ZNF438: variants seen among roughly 807,000 people sequenced by gnomAD.
The protein encoded by ZNF438 is zinc finger protein 438.
Under a neutral mutation model 38.0 loss-of-function variants are expected in ZNF438, and 25 were observed. That is an observed-to-expected ratio of 0.66 (90% confidence interval 0.48 to 0.92). ZNF438 has a LOEUF of 0.92. Ranked by LOEUF, ZNF438 falls within the 40% of genes least tolerant of loss-of-function variation. The pLI is 0.00. For missense variants in ZNF438, 1,007 were observed against 999.6 expected (o/e 1.01, Z -0.10); for synonymous variants, 372 against 364.1 (o/e 1.02, Z -0.25).
chr10:30,963,178 AG>A (rs1292665466), intron 1 of ZNF438, among the ~76,000 whole-genome samples: 1 of 151,678 alleles, frequency 6.6e-6, no homozygotes, highest in Admixed American at 6.6e-5. Context: ...GATCACCTGA[AG>A]TCAGGAGTTT....
At chr10:30,865,999 T>C (rs1005434497) in intron 4 of ZNF438, among the ~76,000 whole-genome samples, 2 of 152,176 alleles carry the variant, frequency 1.3e-5, no homozygotes, top group African/African-American at 4.8e-5. Context: ...GTTGCGCTGA[T>C]GGGGTAAAAC....
chr10:30,869,495 A>G (rs1164716214), intron 4 of ZNF438, among the ~76,000 whole-genome samples: 1 of 152,250 alleles, frequency 6.6e-6, no homozygotes, highest in Non-Finnish European at 1.5e-5. Flanking sequence ...TTTTATTTCA[A>G]CTTCCATATA....
chr10:31,030,130 C>T (rs1193775244), intron 1 of ZNF438, among the ~76,000 whole-genome samples: 1 of 151,874 alleles, frequency 6.6e-6, no homozygotes, highest in Admixed American at 6.6e-5. Flanking sequence ...TTTAAGTGTT[C>T]ATTGCTATTA....
At chr10:30,850,942 T>C (rs2033502504) in intron 4 of ZNF438, among the ~76,000 whole-genome samples, 2 of 152,252 alleles carry the variant, frequency 1.3e-5, no homozygotes, top group South Asian at 2.1e-4. Context: ...CCACTGGCAG[T>C]TGAATTTGTT....
chr10:31,006,865 TGTG>T (rs1256235833), intron 1 of ZNF438, among the ~76,000 whole-genome samples: 30 of 151,062 alleles, frequency 2.0e-4, no homozygotes, highest in African/African-American at 6.8e-4. Flanking sequence ...CCATTTTGAG[TGTG>T]TTTTTTCCAC....
intron 1 of ZNF438, among the ~76,000 whole-genome samples, chr10:30,983,297 A>G (rs1039530375): frequency 5.3e-5 from 8 of 152,226 alleles, no homozygotes; most frequent in African/African-American, 1.9e-4. Flanking sequence ...TTATAAAGAA[A>G]AGAGGTTTAG....
intron 1 of ZNF438, among the ~76,000 whole-genome samples, chr10:31,004,002 A>G (rs537092235): frequency 1.3e-5 from 2 of 152,352 alleles, no homozygotes; most frequent in Non-Finnish European, 2.9e-5. Context: ...AGATGTCAGA[A>G]AGGTGTTATC....
At chr10:30,969,803 A>G (rs2136202115) in intron 1 of ZNF438, among the ~76,000 whole-genome samples, 1 of 151,610 alleles carries the variant, frequency 6.6e-6, no homozygotes, top group East Asian at 1.9e-4. Flanking sequence ...AACCAAAACC[A>G]AACCAAAGCA....
chr10:30,945,116 G>C (rs1015015291), intron 1 of ZNF438, among the ~76,000 whole-genome samples: 8 of 151,494 alleles, frequency 5.3e-5, no homozygotes, highest in African/African-American at 1.9e-4. Context: ...AAAGAGAAGT[G>C]TTGAGAAAAC....
At chr10:30,895,428 G>A (rs377572059) in intron 3 of ZNF438, among the ~76,000 whole-genome samples, 1 of 152,272 alleles carries the variant, frequency 6.6e-6, no homozygotes, top group African/African-American at 2.4e-5. Context: ...TAGTTTGGGT[G>A]TTTGGAGATG....
chr10:30,901,715 G>A (rs1437735297), intron 3 of ZNF438, among the ~76,000 whole-genome samples: 1 of 148,926 alleles, frequency 6.7e-6, no homozygotes, highest in Non-Finnish European at 1.5e-5. Context: ...TCCCTTCGTG[G>A]TCGCCAAAAT....
intron 2 of ZNF438, among the ~76,000 whole-genome samples, chr10:30,935,249 G>C (rs2046120370): frequency 2.0e-5 from 3 of 152,236 alleles, no homozygotes; most frequent in Admixed American, 2.0e-4. Flanking sequence ...AGTCCATTTA[G>C]TGTTGCTATA....
chr10:30,891,345 T>C (rs1366169492), intron 3 of ZNF438, among the ~76,000 whole-genome samples: 2 of 152,148 alleles, frequency 1.3e-5, no homozygotes, highest in African/African-American at 4.8e-5. Context: ...TCTGGAAAAA[T>C]TCCTTAACTT....
intron 3 of ZNF438, among the ~76,000 whole-genome samples, chr10:30,899,155 A>G (rs1455713590): frequency 6.6e-6 from 1 of 152,168 alleles, no homozygotes; most frequent in African/African-American, 2.4e-5. Context: ...CAAGTCTGTC[A>G]CATTCTTAGC....
intron 3 of ZNF438, among the ~76,000 whole-genome samples, chr10:30,900,674 G>A (rs2041873306): frequency 6.6e-6 from 1 of 152,204 alleles, no homozygotes; most frequent in Non-Finnish European, 1.5e-5. Flanking sequence ...CACCCAGCTA[G>A]TAAAATGTGG....
chr10:30,863,438 G>A (rs1231786742), intron 4 of ZNF438, among the ~76,000 whole-genome samples: 1 of 152,202 alleles, frequency 6.6e-6, no homozygotes, highest in Non-Finnish European at 1.5e-5. Flanking sequence ...ATCAGATTCT[G>A]ACCTGAGCCA....
intron 1 of ZNF438, among the ~76,000 whole-genome samples, chr10:30,954,944 GA>G (rs1415896429): frequency 1.3e-5 from 2 of 152,132 alleles, no homozygotes; most frequent in East Asian, 3.9e-4. Context: ...TCGAGCCAGG[GA>G]GAATCATTAT....
At chr10:31,029,383 T>C (rs964880260) in intron 1 of ZNF438, among the ~76,000 whole-genome samples, 1 of 152,208 alleles carries the variant, frequency 6.6e-6, no homozygotes, top group South Asian at 2.1e-4. Context: ...TTAGAACTTG[T>C]GCAAAACTAA....
At chr10:30,967,421 T>C (rs2050242059) in intron 1 of ZNF438, among the ~76,000 whole-genome samples, 1 of 152,208 alleles carries the variant, frequency 6.6e-6, no homozygotes. Flanking sequence ...TACTGATAAG[T>C]AGGCTAAAAG....
Sources: gnomAD v4.1 joint callset for allele counts (sites outside exome capture counted in the v4.1 genomes callset) on GRCh38, gnomAD v4.1.1 for gene constraint, MANE v1.5 for transcripts, NCBI Gene and HGNC (gene_info 2026-07-23, HGNC 2026-07-21) for gene names.